The following GRID1 variants were observed in gnomAD, a reference collection of about 807,000 sequenced individuals.
GRID1 encodes the protein glutamate ionotropic receptor delta type subunit 1.
In GRID1, 28 loss-of-function variants were observed where a neutral mutation model predicts 98.0. The observed-to-expected ratio is 0.29, with a 90% CI of 0.21 to 0.39. GRID1 has a LOEUF of 0.39. Among genes scored for constraint, GRID1 ranks in the 10% least tolerant of loss-of-function variants. GRID1 has a pLI of 1.00. For missense variants in GRID1, 1,111 were observed against 1,340.5 expected (o/e 0.83, Z 2.67); for synonymous variants, 553 against 538.5 (o/e 1.03, Z -0.37).
intron 6 of GRID1, among the ~76,000 whole-genome samples, chr10:85,861,325 C>T (rs1418251113): frequency 4.6e-5 from 7 of 152,210 alleles, no homozygotes; most frequent in South Asian, 2.1e-4. Flanking sequence ...AATCTGCTCA[C>T]CTGAGCACCC....
intron 4 of GRID1, among the ~76,000 whole-genome samples, chr10:85,917,633 G>A (rs774537917): frequency 5.3e-5 from 8 of 152,208 alleles, no homozygotes; most frequent in South Asian, 2.1e-4. Context: ...TGGAGGTGTC[G>A]GGGCCTGTGC....
chr10:86,228,336 AACGTAG>A (rs1846391505), intron 2 of GRID1, among the ~76,000 whole-genome samples: 1 of 150,482 alleles, frequency 6.6e-6, no homozygotes, highest in Non-Finnish European at 1.5e-5. Context: ...TGGGAGAGGA[AACGTAG>A]ACAATCAGAG....
chr10:86,359,141 C>T (rs773267880), intron 2 of GRID1, among the ~76,000 whole-genome samples: 2 of 152,116 alleles, frequency 1.3e-5, no homozygotes, highest in Non-Finnish European at 2.9e-5. Context: ...AATTTGTTTC[C>T]GCACCACAAG....
rs1589400941 is a variant in GRID1 at position 86,181,226 on chromosome 10, A to G, written c.520+25138T>C. 2.0e-5 allele frequency among the ~76,000 whole-genome samples: 3 copies of G among 152,184 alleles called. No individual in the cohort carries two copies. The East Asian group carries it at 5.8e-4, about 29-fold the overall frequency. On this transcript the variant is annotated intron_variant, in intron 3 of 15. Transcript: ENST00000327946. ...TAGCTGCACCCACCCAAGGCCTCCC[A>G]CTGCAACCATCACTTTACAAATCCA...
chr10:86,218,456 T>C (rs1846207252), intron 2 of GRID1, among the ~76,000 whole-genome samples: 1 of 152,012 alleles, frequency 6.6e-6, no homozygotes, highest in South Asian at 2.1e-4. Context: ...AAGGTTGGAG[T>C]GGCCCACCCT....
intron 4 of GRID1, among the ~76,000 whole-genome samples, chr10:86,127,993 T>G (rs138031935): frequency 1.7e-3 from 266 of 152,274 alleles, no homozygotes; most frequent in Non-Finnish European, 2.4e-3. Flanking sequence ...GTGTTAATAC[T>G]CCAGCTTATG....
intron 4 of GRID1, among the ~76,000 whole-genome samples, chr10:85,957,452 C>T (rs768834458): frequency 2.6e-5 from 4 of 152,042 alleles, no homozygotes; most frequent in African/African-American, 4.8e-5. Context: ...GTGTTCCCCC[C>T]GGTTGTATTA....
chr10:86,300,004 T>C (rs1589441893), intron 2 of GRID1, among the ~76,000 whole-genome samples: 1 of 151,888 alleles, frequency 6.6e-6, no homozygotes, highest in South Asian at 2.1e-4. Context: ...TATATAGAAA[T>C]AGTGTGTTTG....
chr10:85,895,016 AATATAT>A lies in GRID1; in HGVS notation c.780+21164_780+21169del, dbSNP rs67350023. ...CTGGGACTCTCAAAAAAAAAAAAAAAATATATATATATATATATATATATGTAAAAT... is the reference window on the plus strand; with the variant it reads ...CTGGGACTCTCAAAAAAAAAAAAAAAATATATATATATATATATGTAAAAT... On this transcript the variant is annotated intron_variant, in intron 5 of 15. Coordinates refer to ENST00000327946, the MANE Select transcript of GRID1 (RefSeq NM_017551.3). Among the ~76,000 whole-genome samples the A allele has an allele frequency of 9.8e-3, 949 of 97,086 alleles. 13 individuals carry two copies. Among genetic ancestry groups the A allele is most frequent in the Middle Eastern group, 0.016 (3 of 188 alleles). 63.7% of individuals were successfully genotyped at this position (97,086 alleles called of 152,430 possible).
chr10:85,627,089 G>A (rs1477935466), intron 13 of GRID1, among the ~76,000 whole-genome samples: 2 of 152,138 alleles, frequency 1.3e-5, no homozygotes, highest in Middle Eastern at 3.2e-3. Flanking sequence ...ATTAGATGGT[G>A]GAACATTATG....
intron 12 of GRID1, among the ~76,000 whole-genome samples, chr10:85,689,399 C>T (rs771286909): frequency 4.6e-5 from 7 of 151,090 alleles, no homozygotes; most frequent in Non-Finnish European, 7.4e-5. Context: ...AAGAAGGACA[C>T]ATTTCAAAAA....
chr10:86,085,879 C>T (rs1488920080), intron 4 of GRID1, among the ~76,000 whole-genome samples: 1 of 152,188 alleles, frequency 6.6e-6, no homozygotes, highest in East Asian at 1.9e-4. Flanking sequence ...GGCTCTCCCA[C>T]TGCCATCGGG....
chr10:86,106,486 C>T (rs1443929186), intron 4 of GRID1, among the ~76,000 whole-genome samples: 1 of 151,172 alleles, frequency 6.6e-6, no homozygotes, highest in East Asian at 2.0e-4. Context: ...GAGGGGCCTG[C>T]TTCAGGTGTG....
chr10:86,214,011 C>T (rs1320163811), intron 2 of GRID1, among the ~76,000 whole-genome samples: 1 of 152,160 alleles, frequency 6.6e-6, no homozygotes, highest in East Asian at 1.9e-4. Flanking sequence ...CACCTTGGGC[C>T]AGAACACTGA....
chr10:86,102,647 G>C (rs1268662657), intron 4 of GRID1, among the ~76,000 whole-genome samples: 1 of 152,232 alleles, frequency 6.6e-6, no homozygotes, highest in Non-Finnish European at 1.5e-5. Flanking sequence ...TCCTGGAAAG[G>C]CCCTACCTGG....
intron 4 of GRID1, among the ~76,000 whole-genome samples, chr10:86,036,004 G>C (rs1408326638): frequency 1.3e-5 from 2 of 152,224 alleles, no homozygotes; most frequent in South Asian, 2.1e-4. Context: ...CAAAAGGCAG[G>C]GCTGTGAGGG....
chr10:86,113,204 T>C (rs1844516054), intron 4 of GRID1, among the ~76,000 whole-genome samples: 1 of 152,204 alleles, frequency 6.6e-6, no homozygotes, highest in South Asian at 2.1e-4. Context: ...ATACAAACCC[T>C]CCAATGACTT....
rs373883523 is a variant in GRID1, at chr10:85,963,569, C to T, written c.727-47330G>A. ...AGGCCCCTGATGATCTCCCCATCCT[C>T]CACTCTTACCACGCCCAACCTGATT... On this transcript the variant is annotated intron_variant, in intron 4 of 15. Transcript: ENST00000327946. 2.2e-4 allele frequency among the ~76,000 whole-genome samples: 33 copies of T among 152,302 alleles called. 1 individual carries two copies. In the South Asian group the frequency reaches 6.2e-3, roughly 29 times the overall value.
chr10:86,205,443 G>A (rs1846012682), intron 3 of GRID1, among the ~76,000 whole-genome samples: 1 of 152,158 alleles, frequency 6.6e-6, no homozygotes, highest in Non-Finnish European at 1.5e-5. Flanking sequence ...CTACACATGT[G>A]ATTTTTAAAA....
Sources: allele counts gnomAD v4.1 joint callset (sites outside exome capture counted in the v4.1 genomes callset), GRCh38; gene constraint gnomAD v4.1.1; transcripts MANE v1.5; gene names NCBI Gene and HGNC (gene_info 2026-07-23, HGNC 2026-07-21).